LAMB3: variants seen among roughly 807,000 people sequenced by gnomAD.
LAMB3 encodes laminin subunit beta-3.
A neutral mutation model predicts 140.3 loss-of-function variants in LAMB3; 104 were observed. The observed-to-expected ratio is 0.74, with a 90% CI of 0.63 to 0.87. The LOEUF (loss-of-function observed/expected upper bound fraction) is 0.87. Among genes scored for constraint, LAMB3 ranks in the 40% least tolerant of loss-of-function variants. The pLI, the probability that LAMB3 is intolerant of heterozygous loss-of-function variation, is 0.00. For missense variants in LAMB3, 1,531 were observed against 1,575.2 expected (o/e 0.97, Z 0.47); for synonymous variants, 592 against 602.9 (o/e 0.98, Z 0.26).
chr1:209,651,234 T>C, intron 1 of LAMB3: 1 of 487,038 alleles, frequency 2.1e-6, no homozygotes, highest in Non-Finnish European at 3.7e-6. Flanking sequence ...AGCTTCCTCC[T>C]CTAAAATGGA....
chr1:209,646,213 G>T (rs541634807), intron 3 of LAMB3, among the ~76,000 whole-genome samples: 4 of 152,166 alleles, frequency 2.6e-5, no homozygotes, highest in Non-Finnish European at 2.9e-5. Context: ...CGGCAAATCC[G>T]CTGGTTCTTG....
Position 209,630,603 on chromosome 1 carries a change from C to G in LAMB3, c.943+12G>C, listed in dbSNP as rs774872708. 5.0e-6 allele frequency: 8 copies of G among 1,614,028 alleles called. No individual in the cohort carries two copies. The highest frequency in any genetic ancestry group is 1.6e-4 in the Middle Eastern group (1 of 6,084). ...CAGACCCTACAGGGGAGGGGTGATC[C>G]AAAGCTCCTACTTTGGCATTCATGG... On this transcript the variant is annotated intron_variant, in intron 9 of 22. Coordinates refer to ENST00000356082, the MANE Select transcript of LAMB3 (RefSeq NM_000228.3).
At position 209,623,680 on chromosome 1, in the gene LAMB3, G is replaced by T; in HGVS notation, c.2183C>A (p.Ala728Asp). 1 of 1,614,194 alleles carries T rather than the reference G, an allele frequency of 6.2e-7. No homozygotes were observed. Among genetic ancestry groups the T allele is most frequent in the Non-Finnish European group, 8.5e-7 (1 of 1,180,040 alleles). The change falls in exon 16 of 23, where the codon GCT becomes GAT. Residue 728 changes from alanine (A) to aspartate (D), a missense_variant. By Grantham distance (126) the Ala-to-Asp change is moderately radical (BLOSUM62 -2). Coordinates refer to ENST00000356082, the MANE Select transcript of LAMB3 (RefSeq NM_000228.3). This position sits in a 1 kb window ranked among gnomAD's most constrained non-coding sequence, Gnocchi z 4.2. Reference protein sequence around the residue: ...LSTAYEQSAQAAQQVSDSSRL... With the variant: ...LSTAYEQSAQDAQQVSDSSRL... ...CGAGCTGTCGGAGACCTGCTGAGCAGCCTGGGCTGACTGCTCGTAGGCTGT... is the reference window on the plus strand; with the variant it reads ...CGAGCTGTCGGAGACCTGCTGAGCATCCTGGGCTGACTGCTCGTAGGCTGT...
chr1:209,618,014 C>T lies in LAMB3; in HGVS notation c.2944G>A (p.Asp982Asn). ...CCCTGCCGCAGGTTCCCAACCACAT[C>T]TTCCACCTGGCCCTCCACTGCATGG... ...RAHAVEGQVE[D>N]VVGNLRQGTV... The change falls in exon 20 of 23, where the codon GAT becomes AAT. Residue 982 changes from aspartate to asparagine, a missense_variant. Physicochemically the swap from Asp to Asn is conservative, Grantham distance 23 (BLOSUM62 1). Coordinates refer to ENST00000356082, the MANE Select transcript of LAMB3 (RefSeq NM_000228.3). 1 of 1,614,212 alleles carries T rather than the reference C, an allele frequency of 6.2e-7. No individual in the cohort carries two copies. The highest frequency in any genetic ancestry group is 1.1e-5 in the South Asian group (1 of 91,090).
intron 5 of LAMB3, among the ~76,000 whole-genome samples, chr1:209,634,848 C>A (rs1321348524): frequency 6.6e-6 from 1 of 152,102 alleles, no homozygotes; most frequent in Non-Finnish European, 1.5e-5. Context: ...TGATCCCTAG[C>A]TCAGCTCACC....
chr1:209,632,713 C>A lies in LAMB3; in HGVS notation c.692G>T (p.Gly231Val), dbSNP rs143725782. 4.3e-6 allele frequency: 7 copies of A among 1,614,208 alleles called. No individual in the cohort carries two copies. The highest frequency in any genetic ancestry group is 4.0e-5 in the African/African-American group (3 of 75,058). ...ATAGTAGGCGCTGGGAGGGTGGTAG[C>A]CCCTTTGGGGCACAGGGGCCAGCCT... ...FTRLAPVPQR[G>V]YHPPSAYYAV... The change falls in exon 8 of 23, where the codon GGC (glycine) becomes GTC (valine). Residue 231 changes from glycine (G) to valine (V), a missense_variant. Physicochemically the swap from Gly to Val is moderately radical, Grantham distance 109 (BLOSUM62 -3). Transcript: ENST00000356082.
Position 209,632,759 on chromosome 1 carries a change from T to C in LAMB3, c.646A>G (p.Asn216Asp). The C allele has an allele frequency of 3.7e-6, 6 of 1,614,180 alleles. No individual in the cohort carries two copies. The highest frequency in any genetic ancestry group is 5.1e-6 in the Non-Finnish European group (6 of 1,180,024). The change falls in exon 8 of 23, where the codon AAC becomes GAC. Residue 216 changes from asparagine (N) to aspartate (D), a missense_variant. Transcript: ENST00000356082. ...AGCCTGGTGAAATTGACTCTCAAGTTTGTGATCTCCCCCACCTCTGAGAGG... is the reference window on the plus strand; with the variant it reads ...AGCCTGGTGAAATTGACTCTCAAGTCTGTGATCTCCCCCACCTCTGAGAGG... ...QKIQEVGEIT[N>D]LRVNFTRLAP...
intron 3 of LAMB3, among the ~76,000 whole-genome samples, chr1:209,646,231 C>T (rs1242298908): frequency 2.6e-5 from 4 of 152,182 alleles, no homozygotes; most frequent in African/African-American, 7.2e-5. Context: ...TTGAGGAATG[C>T]GTGTCATCCC....
Position 209,626,984 on chromosome 1 carries a change from T to TG in LAMB3, c.1486-7dup. 3 of 1,599,718 alleles carry TG rather than the reference T, an allele frequency of 1.9e-6. No homozygotes were observed. Among genetic ancestry groups the TG allele is most frequent in the Non-Finnish European group, 2.6e-6 (3 of 1,168,510 alleles). ...CAGGGGCACTGCCCTGTGAACTGCG[T>TG]GGGGAGAGCACCGTCAGTGGACCCT... On this transcript the variant is annotated splice_region_variant and splice_polypyrimidine_tract_variant and intron_variant, in intron 12 of 22. Transcript: ENST00000356082.
At position 209,625,943 on chromosome 1, in the gene LAMB3, C is replaced by G. The variant is rs748528323; in HGVS notation, c.1681G>C (p.Gly561Arg). The change falls in exon 14 of 23, where the codon GGG becomes CGG. Residue 561 changes from glycine to arginine, a missense_variant. Coordinates refer to ENST00000356082, the MANE Select transcript of LAMB3 (RefSeq NM_000228.3). ...CGCTGGCACTGGTCACAGCGGGGCC[C>G]GGTCAAGCCAGGGCGGCAGAGGCAG... Reference protein sequence around the residue: ...GRCLCRPGLTGPRCDQCQRGY... With the variant: ...GRCLCRPGLTRPRCDQCQRGY... The G allele has an allele frequency of 1.9e-6, 3 of 1,613,746 alleles. No individual in the cohort carries two copies. The highest frequency in any genetic ancestry group is 2.5e-6 in the Non-Finnish European group (3 of 1,179,854).
chr1:209,634,917 T>TTCTCTCTCTC (rs59855467), intron 5 of LAMB3, among the ~76,000 whole-genome samples: 45 of 136,240 alleles, frequency 3.3e-4, no homozygotes, highest in African/African-American at 1.2e-3. Context: ...CCATTTTTTA[T>TTCTCTCTCTC]TCTCTCTCTC....
intron 1 of LAMB3, 109 bp from the exon 2 acceptor site, chr1:209,651,090 A>G: frequency 1.3e-6 from 1 of 786,424 alleles, no homozygotes; most frequent in Non-Finnish European, 2.3e-6. Context: ...GTCTTTACCT[A>G]GGGTCCTGAT....
rs761173046 is a variant in LAMB3, at chr1:209,650,022, C to T, written c.125G>A (p.Arg42Gln). 2.0e-5 allele frequency: 32 copies of T among 1,614,026 alleles called. No individual in the cohort carries two copies. Among genetic ancestry groups the T allele is most frequent in the African/African-American group, 6.7e-5 (5 of 74,916 alleles). ...DLLVGRTRFL[R>Q]ASSTCGLTKP... is the part of the protein sequence containing the mutation. ...GGTCAGTCCACAGGTAGATGAAGCT[C>T]GGAGAAACCGGGTCCTCCCAACAAG... Residue 42 changes from arginine (R) to glutamine (Q), a missense_variant, in exon 3 of 23, where the codon CGA becomes CAA. By Grantham distance (43) the Arg-to-Gln change is conservative. Transcript: ENST00000356082.
At position 209,631,653 on chromosome 1, in the gene LAMB3, A is replaced by C. The variant is rs116485998; in HGVS notation, c.823-918T>G. Among the ~76,000 whole-genome samples, 431 of 152,332 alleles carry C rather than the reference A, an allele frequency of 2.8e-3. 2 individuals are homozygous for C. Among genetic ancestry groups the C allele is most frequent in the African/African-American group, 0.01 (416 of 41,576 alleles). ...CACTGCATGGCCAGATTTGAGGACCACCAGGGCTGGGTGGCTCCCTCCCAC... is the reference window on the plus strand; with the variant it reads ...CACTGCATGGCCAGATTTGAGGACCCCCAGGGCTGGGTGGCTCCCTCCCAC... On this transcript the variant is annotated intron_variant, in intron 8 of 22. Coordinates refer to ENST00000356082, the MANE Select transcript of LAMB3 (RefSeq NM_000228.3).
intron 3 of LAMB3, among the ~76,000 whole-genome samples, chr1:209,643,726 C>T (rs879812613): frequency 6.6e-6 from 1 of 152,050 alleles, no homozygotes; most frequent in Non-Finnish European, 1.5e-5. Context: ...GCCCAGCTCC[C>T]TCCCATGAGG....
chr1:209,630,943 G>A (rs1052799628), intron 8 of LAMB3, among the ~76,000 whole-genome samples: 1 of 152,230 alleles, frequency 6.6e-6, no homozygotes, highest in African/African-American at 2.4e-5. Flanking sequence ...GCATGTGTGT[G>A]TGTGCACGTG....
At chr1:209,633,033 C>G (rs1398766225) in intron 7 of LAMB3, 37 bp downstream of exon 7, 14 of 1,478,172 alleles carry the variant, frequency 9.5e-6, no homozygotes, top group Non-Finnish European at 1.3e-5. Flanking sequence ...CCTTTCCCAC[C>G]CATAGTTCCA....
At position 209,632,084 on chromosome 1, in the gene LAMB3, T is replaced by C. The variant is rs181249973; in HGVS notation, c.822+499A>G. Among the ~76,000 whole-genome samples, 423 of 152,310 alleles carry C rather than the reference T, an allele frequency of 2.8e-3. 8 individuals are homozygous for C. Among genetic ancestry groups the C allele is most frequent in the Admixed American group, 0.024 (364 of 15,284 alleles). Reference sequence around the variant, plus strand: ...CCATCCCTGCTGAAGCCAATCCGCCTGGTCTAGGGTAGACTTAGCATCTGT... The same window carrying C: ...CCATCCCTGCTGAAGCCAATCCGCCCGGTCTAGGGTAGACTTAGCATCTGT... On this transcript the variant is annotated intron_variant, in intron 8 of 22. Transcript: ENST00000356082.
chr1:209,622,397 A>G, intron 18 of LAMB3, 139 bp downstream of exon 18: 2 of 1,002,250 alleles, frequency 2.0e-6, no homozygotes, highest in Non-Finnish European at 3.1e-6. Context: ...GGTCATGGCC[A>G]TGGTGCCAAG....
Sources: allele counts gnomAD v4.1 joint callset (sites outside exome capture counted in the v4.1 genomes callset), GRCh38; gene constraint gnomAD v4.1.1; non-coding constraint Gnocchi (gnomAD v3.1); transcripts MANE v1.5; gene names NCBI Gene and HGNC (gene_info 2026-07-23, HGNC 2026-07-21).